Variants in BAHCC1 observed in about 807,000 individuals in gnomAD.
The protein encoded by BAHCC1 is BAH and coiled-coil domain-containing protein 1.
BAHCC1 carries 43 observed loss-of-function variants against 88.2 expected under a neutral mutation model. The ratio of observed to expected loss-of-function variants is 0.49; its 90% CI spans 0.38 to 0.63. The LOEUF is 0.63. Among genes scored for constraint, BAHCC1 ranks in the 20% least tolerant of loss-of-function variants. BAHCC1 has a pLI of 0.00. For synonymous variants in BAHCC1, 1,510 were observed against 745.5 expected (o/e 2.03, Z -16.71); for missense variants, 3,023 against 1,654.8 (o/e 1.83, Z -14.34).
chr17:81,400,389 C>T (rs1035119568), intron 2 of BAHCC1, among the ~76,000 whole-genome samples: 1 of 152,094 alleles, frequency 6.6e-6, no homozygotes, highest in Non-Finnish European at 1.5e-5. Flanking sequence ...GCCGGGCGAG[C>T]GTTAATAGGG....
Position 81,400,095 on chromosome 17 carries a change from G to A in BAHCC1, c.178+178G>A, listed in dbSNP as rs1473680652. 2.0e-5 allele frequency among the ~76,000 whole-genome samples: 3 copies of A among 151,730 alleles called. No homozygotes were observed. In the East Asian group the frequency reaches 5.8e-4, roughly 29 times the overall value. On this transcript the variant is annotated intron_variant, in intron 2 of 27. Transcript: ENST00000675386. ...CGCCAGCCCCCCAAGCTGCGTCGCC[G>A]CGGCTTAGAGAGGCCCTTCCCTGGC...
At chr17:81,452,187 T>C (rs1555656050) in intron 13 of BAHCC1, 80 bp downstream of exon 13, 6 of 547,658 alleles carry the variant, frequency 1.1e-5, no homozygotes, top group Non-Finnish European at 1.9e-5. Context: ...CTGGGGCCGA[T>C]GTGGGAACAG....
Position 81,461,068 on chromosome 17 carries a change from C to A in BAHCC1, c.6405C>A (p.Arg2135=), listed in dbSNP as rs572050494. Residue 2135 remains arginine (R), a synonymous_variant, in exon 26 of 28, where the codon CGC becomes CGA. Coordinates refer to ENST00000675386, the MANE Select transcript of BAHCC1 (RefSeq NM_001377448.1). The part of the protein sequence containing the change: ...LNGSSKKLRA[R]EALFPVHSVA... Reference sequence around the variant, plus strand: ...GCAGCAGCAAGAAGCTGCGGGCCCGCGAGGCCCTGTTCCCCGTGCACAGCG... The same window carrying A: ...GCAGCAGCAAGAAGCTGCGGGCCCGAGAGGCCCTGTTCCCCGTGCACAGCG... 46 of 770,258 alleles carry A rather than the reference C, an allele frequency of 6.0e-5. No individual in the cohort carries two copies. Among genetic ancestry groups the A allele is most frequent in the South Asian group, 5.5e-4 (41 of 74,366 alleles). The allele number at this position is 770,258 out of a possible 1,614,324, so 47.7% of individuals were successfully genotyped here.
intron 2 of BAHCC1, among the ~76,000 whole-genome samples, chr17:81,400,427 G>C (rs1299985174): frequency 6.6e-6 from 1 of 151,942 alleles, no homozygotes; most frequent in Non-Finnish European, 1.5e-5. Flanking sequence ...AGCAAATCCT[G>C]TTTCTATATA....
At position 81,435,472 on chromosome 17, in the gene BAHCC1, C is replaced by T; in HGVS notation, c.359-2898C>T. ...GGGCACCAGCAGCCTGTGTCCTGACCACCTCTCTGGCGGTTCGCTTAGCCC... is the reference window on the plus strand; with the variant it reads ...GGGCACCAGCAGCCTGTGTCCTGACTACCTCTCTGGCGGTTCGCTTAGCCC... On this transcript the variant is annotated intron_variant, in intron 3 of 27. Coordinates refer to ENST00000675386, the MANE Select transcript of BAHCC1 (RefSeq NM_001377448.1). The surrounding 1 kb of genome is among the most constrained non-coding windows in gnomAD (Gnocchi z 4.4). The T allele has an allele frequency of 2.1e-6, 1 of 470,994 alleles. No individual in the cohort carries two copies. The highest frequency in any genetic ancestry group is 1.5e-5 in the South Asian group (1 of 64,570). 29.2% of individuals were successfully genotyped at this position (470,994 alleles called of 1,614,324 possible). A position where few individuals can be genotyped will look rare whatever the true frequency, so the allele number is the denominator to read the frequency against.
At chr17:81,431,076 C>T (rs1470103281) in intron 3 of BAHCC1, among the ~76,000 whole-genome samples, 2 of 119,182 alleles carry the variant, frequency 1.7e-5, no homozygotes, top group East Asian at 2.5e-4. Context: ...GAGGGGACAG[C>T]GTGGGGATCC....
At chr17:81,414,140 C>A (rs1555648258) in intron 2 of BAHCC1, among the ~76,000 whole-genome samples, 2 of 152,234 alleles carry the variant, frequency 1.3e-5, no homozygotes, top group East Asian at 3.8e-4. Flanking sequence ...GCCCAAGCCA[C>A]CTGCCCAGGA....
chr17:81,445,878 C>T (rs1377113471), intron 10 of BAHCC1, among the ~76,000 whole-genome samples, 197 bp downstream of exon 10: 2 of 152,244 alleles, frequency 1.3e-5, no homozygotes, highest in East Asian at 1.9e-4. Flanking sequence ...GCACACAGTG[C>T]CCCAGCCGCC....
chr17:81,400,033 C>T lies in BAHCC1; in HGVS notation c.178+116C>T, dbSNP rs948406203. 13 of 947,514 alleles carry T rather than the reference C, an allele frequency of 1.4e-5. No individual in the cohort carries two copies. In the East Asian group the frequency reaches 4.8e-4, roughly 35 times the overall value. 58.7% of individuals were successfully genotyped at this position (947,514 alleles called of 1,614,324 possible). On this transcript the variant is annotated intron_variant, in intron 2 of 27. Transcript: ENST00000675386. ...TGGTTTCATTTCCCGGCCCCGGCCG[C>T]GGTGGCTGCCTGGGCGCTGAGCGGG...
At chr17:81,403,342 G>A (rs1367199171) in intron 2 of BAHCC1, among the ~76,000 whole-genome samples, 1 of 152,092 alleles carries the variant, frequency 6.6e-6, no homozygotes, top group African/African-American at 2.4e-5. Flanking sequence ...TGTCTTCTTT[G>A]GGGTGTAAAT....
intron 2 of BAHCC1, among the ~76,000 whole-genome samples, chr17:81,414,175 G>A (rs1237769592): frequency 1.3e-5 from 2 of 152,256 alleles, no homozygotes; most frequent in Admixed American, 6.5e-5. Flanking sequence ...CTCGATGTCC[G>A]CCTTGGCAGC....
chr17:81,455,905 G>C (rs1188819334), intron 15 of BAHCC1, among the ~76,000 whole-genome samples: 1 of 152,108 alleles, frequency 6.6e-6, no homozygotes, highest in African/African-American at 2.4e-5. Context: ...CGTGGCCTCG[G>C]CGGGGCTGGT....
At chr17:81,418,764 T>G (rs1555649082) in intron 2 of BAHCC1, among the ~76,000 whole-genome samples, 3 of 148,940 alleles carry the variant, frequency 2.0e-5, no homozygotes, top group African/African-American at 7.4e-5. Flanking sequence ...TGTGTGTGTG[T>G]ACGTGTGTGT....
intron 14 of BAHCC1, among the ~76,000 whole-genome samples, chr17:81,453,084 C>T (rs1290332380): frequency 6.6e-6 from 1 of 152,178 alleles, no homozygotes; most frequent in Admixed American, 6.5e-5. Flanking sequence ...TGGCCCGGGT[C>T]CCCCTCTGGA....
At chr17:81,438,291 C>T in intron 3 of BAHCC1, 79 bp from the exon 4 acceptor site, 3 of 755,738 alleles carry the variant, frequency 4.0e-6, no homozygotes, top group Non-Finnish European at 4.9e-6. Flanking sequence ...CTGCCGGCTT[C>T]TTGCCTCCCT....
At chr17:81,462,625 C>G in intron 26 of BAHCC1, 115 bp from the exon 27 acceptor site, 1 of 629,092 alleles carries the variant, frequency 1.6e-6, no homozygotes, top group Non-Finnish European at 2.8e-6. Context: ...GCGCCCTGCA[C>G]ACTCACACTC....
chr17:81,456,951 C>A (rs2064761067), intron 16 of BAHCC1, among the ~76,000 whole-genome samples: 1 of 152,128 alleles, frequency 6.6e-6, no homozygotes, highest in African/African-American at 2.4e-5. Context: ...GACCACCCCC[C>A]CCAGCAAACA....
intron 1 of BAHCC1, among the ~76,000 whole-genome samples, chr17:81,397,626 C>G (rs1370021899): frequency 1.3e-5 from 2 of 152,178 alleles, no homozygotes; most frequent in South Asian, 2.1e-4. Context: ...CCCCCACGTC[C>G]CTAGTCCAGC....
intron 11 of BAHCC1, among the ~76,000 whole-genome samples, chr17:81,450,123 G>A (rs2064606409): frequency 6.6e-6 from 1 of 152,292 alleles, no homozygotes; most frequent in African/African-American, 2.4e-5. Context: ...TGGGGTGCTC[G>A]TTGCTGTGAG....
Sources: allele counts gnomAD v4.1 joint callset (sites outside exome capture counted in the v4.1 genomes callset), GRCh38; gene constraint gnomAD v4.1.1; non-coding constraint Gnocchi (gnomAD v3.1); transcripts MANE v1.5; gene names NCBI Gene and HGNC (gene_info 2026-07-23, HGNC 2026-07-21).